Variants in TRAF3IP1 observed in about 807,000 individuals in gnomAD.
TRAF3IP1 encodes the protein intraflagellar transport 54.
In TRAF3IP1, 53 loss-of-function variants were observed where a neutral mutation model predicts 89.9. That is an observed-to-expected ratio of 0.59 (90% CI 0.47 to 0.74). TRAF3IP1 has a LOEUF of 0.74. Among genes scored for constraint, TRAF3IP1 ranks in the 30% least tolerant of loss-of-function variants. The pLI, the probability that TRAF3IP1 is intolerant of heterozygous loss-of-function variation, is 0.00. For synonymous variants in TRAF3IP1, 311 were observed against 322.1 expected (o/e 0.97, Z 0.37); for missense variants, 806 against 866.1 (o/e 0.93, Z 0.87).
Position 238,393,060 on chromosome 2 carries a change from G to A in TRAF3IP1, c.1690-4399G>A, listed in dbSNP as rs569455800. ...TGAATTTTCATTTGTTTGGATAAGT[G>A]TCCAGGAGTACAACTGTTGGTTGAT... On this transcript the variant is annotated intron_variant, in intron 15 of 16. Coordinates refer to ENST00000373327, the MANE Select transcript of TRAF3IP1 (RefSeq NM_015650.4). Among the ~76,000 whole-genome samples, 19 of 152,316 alleles carry A rather than the reference G, an allele frequency of 1.2e-4. No homozygotes were observed. The South Asian group carries it at 3.9e-3, about 32-fold the overall frequency.
chr2:238,331,004 T>C (rs1054484106), intron 5 of TRAF3IP1, among the ~76,000 whole-genome samples: 1 of 152,132 alleles, frequency 6.6e-6, no homozygotes, highest in African/African-American at 2.4e-5. Flanking sequence ...TCTGAGGCAC[T>C]AGTATATTCG....
At position 238,345,627 on chromosome 2, in the gene TRAF3IP1, C is replaced by T. The variant is rs1698856542; in HGVS notation, c.1261+1029C>T. ...TAATTAGGGAGGGTTAAAGATTGTG[C>T]AGAGAAGAGAGAGAGGCCTGGACTG... On this transcript the variant is annotated intron_variant, in intron 9 of 16. Transcript: ENST00000373327. This position sits in a 1 kb window ranked among gnomAD's most constrained non-coding sequence, Gnocchi z 4.7. 6.6e-6 allele frequency among the ~76,000 whole-genome samples: 1 copy of T among 152,070 alleles called. No individual in the cohort carries two copies. The highest frequency in any genetic ancestry group is 1.5e-5 in the Non-Finnish European group (1 of 68,018).
intron 5 of TRAF3IP1, among the ~76,000 whole-genome samples, chr2:238,331,363 G>C (rs1175264117): frequency 6.6e-6 from 1 of 151,780 alleles, no homozygotes; most frequent in African/African-American, 2.4e-5. Flanking sequence ...TGTAGTCCCA[G>C]CTACTCAGGA....
rs201851830 is a variant in TRAF3IP1, at chr2:238,381,144, T to TA, written c.1690-16315_1690-16314insA. Among the ~76,000 whole-genome samples, 1,337 of 150,060 alleles carry TA rather than the reference T, an allele frequency of 8.9e-3. 7 individuals carry two copies. The highest frequency in any genetic ancestry group is 0.017 in the Middle Eastern group (5 of 292). ...TTTTTTAATTATTTATTTATTTATT[T>TA]TTTTTTTTTTCAGAATTCTGTTTCC... On this transcript the variant is annotated intron_variant, in intron 15 of 16. Coordinates refer to ENST00000373327, the MANE Select transcript of TRAF3IP1 (RefSeq NM_015650.4).
At chr2:238,384,073 C>T (rs1240496878) in intron 15 of TRAF3IP1, among the ~76,000 whole-genome samples, 1 of 152,128 alleles carries the variant, frequency 6.6e-6, no homozygotes, top group Non-Finnish European at 1.5e-5. Context: ...CAGGGCCCCC[C>T]CCATCTGGAT....
At chr2:238,362,640 G>A (rs531543731) in intron 15 of TRAF3IP1, among the ~76,000 whole-genome samples, 37 of 152,352 alleles carry the variant, frequency 2.4e-4, no homozygotes, top group African/African-American at 6.3e-4. Context: ...CTTATATTAT[G>A]TTGGCTAGAA....
chr2:238,398,964 CA>C lies in TRAF3IP1; in HGVS notation c.*50del. The C allele has an allele frequency of 6.6e-7, 1 of 1,516,730 alleles. No homozygotes were observed. Among genetic ancestry groups the C allele is most frequent in the Non-Finnish European group, 8.9e-7 (1 of 1,125,590 alleles). The allele number at this position is 1,516,730 out of a possible 1,614,324, so 94.0% of individuals were successfully genotyped here. A position where few individuals can be genotyped will look rare whatever the true frequency, so the allele number is the denominator to read the frequency against. ...ATGAAAAGTCACCTCAGTTTAAAAGCAAAAAGGAAGATAGAAAATCATTACT... is the reference window on the plus strand; with the variant it reads ...ATGAAAAGTCACCTCAGTTTAAAAGCAAAAGGAAGATAGAAAATCATTACT... On this transcript the variant is annotated 3_prime_UTR_variant, in exon 17 of 17. Transcript: ENST00000373327.
chr2:238,336,261 G>A (rs1698386618), intron 7 of TRAF3IP1, among the ~76,000 whole-genome samples: 1 of 152,140 alleles, frequency 6.6e-6, no homozygotes, highest in South Asian at 2.1e-4. Context: ...GATTTTATTA[G>A]CAGACATTTA....
At chr2:238,322,101 T>C (rs988865633) in intron 1 of TRAF3IP1, among the ~76,000 whole-genome samples, 1 of 152,236 alleles carries the variant, frequency 6.6e-6, no homozygotes, top group African/African-American at 2.4e-5. Flanking sequence ...ACCTGCTGTG[T>C]GGATAGCCCG....
intron 15 of TRAF3IP1, among the ~76,000 whole-genome samples, chr2:238,381,260 G>A (rs1700539025): frequency 6.6e-6 from 1 of 152,052 alleles, no homozygotes; most frequent in South Asian, 2.1e-4. Context: ...CATAAAAATG[G>A]GGCAAAAACC....
chr2:238,363,912 A>G (rs577113712), intron 15 of TRAF3IP1, among the ~76,000 whole-genome samples: 2 of 152,306 alleles, frequency 1.3e-5, no homozygotes, highest in East Asian at 1.9e-4. Flanking sequence ...GCGAGCCGAG[A>G]CTGCACCACT....
intron 8 of TRAF3IP1, 99 bp from the exon 9 acceptor site, chr2:238,344,374 CAGTCCTAACTTGCAGTGTGGGAAA>C (rs1698794504): frequency 2.6e-6 from 2 of 758,198 alleles, no homozygotes; most frequent in African/African-American, 3.5e-5. Flanking sequence ...AGTCCTTTGT[CAGTCCTAACTTGCAGTGTGGGAAA>C]ACATAGATAA....
intron 15 of TRAF3IP1, among the ~76,000 whole-genome samples, chr2:238,376,645 G>A (rs1424497789): frequency 2.6e-5 from 4 of 152,116 alleles, no homozygotes; most frequent in Admixed American, 1.3e-4. Flanking sequence ...ATTTGTTAAG[G>A]TTGTTCGTAT....
At chr2:238,370,866 T>A (rs1277034923) in intron 15 of TRAF3IP1, among the ~76,000 whole-genome samples, 1 of 152,060 alleles carries the variant, frequency 6.6e-6, no homozygotes, top group Non-Finnish European at 1.5e-5. Flanking sequence ...TTGCCAGAGG[T>A]GAAAAACGAA....
intron 15 of TRAF3IP1, among the ~76,000 whole-genome samples, chr2:238,376,840 G>A (rs1266732922): frequency 1.3e-5 from 2 of 152,156 alleles, no homozygotes. Flanking sequence ...TTTCTTCGCT[G>A]TAATAGCAGC....
At chr2:238,380,176 A>T (rs1249935379) in intron 15 of TRAF3IP1, among the ~76,000 whole-genome samples, 1 of 152,254 alleles carries the variant, frequency 6.6e-6, no homozygotes, top group Non-Finnish European at 1.5e-5. Flanking sequence ...CTCAATTAGG[A>T]TCAGTCTCTG....
At position 238,320,752 on chromosome 2, in the gene TRAF3IP1, C is replaced by G. The variant is rs1183349435; in HGVS notation, c.90C>G (p.Pro30=). The G allele has an allele frequency of 4.2e-6, 6 of 1,440,658 alleles. No homozygotes were observed. The Admixed American group carries it at 1.4e-4, about 35-fold the overall frequency. 89.2% of individuals were successfully genotyped at this position (1,440,658 alleles called of 1,614,324 possible). ...PPLTEKLLSK[P]PFRYLHDIIT... Reference sequence around the variant, plus strand: ...TGACCGAGAAGCTGCTGAGCAAGCCCCCGTTCCGCTACCTGCACGACATCA... The same window carrying G: ...TGACCGAGAAGCTGCTGAGCAAGCCGCCGTTCCGCTACCTGCACGACATCA... The change falls in exon 1 of 17, where the codon CCC becomes CCG. Residue 30 remains proline (P), a synonymous_variant. Coordinates refer to ENST00000373327, the MANE Select transcript of TRAF3IP1 (RefSeq NM_015650.4).
At chr2:238,340,524 T>G (rs1302927746) in intron 8 of TRAF3IP1, among the ~76,000 whole-genome samples, 1 of 152,210 alleles carries the variant, frequency 6.6e-6, no homozygotes, top group Non-Finnish European at 1.5e-5. Context: ...ATTTATCCAT[T>G]TCTTTTTCAA....
intron 15 of TRAF3IP1, among the ~76,000 whole-genome samples, chr2:238,384,200 G>A (rs772131481): frequency 1.3e-5 from 2 of 152,092 alleles, no homozygotes; most frequent in Non-Finnish European, 2.9e-5. Flanking sequence ...GGCCTCCTGA[G>A]TGTCCCTTGT....
Sources: gnomAD v4.1 joint callset for allele counts (sites outside exome capture counted in the v4.1 genomes callset) on GRCh38, gnomAD v4.1.1 for gene constraint, Gnocchi (gnomAD v3.1) non-coding constraint, MANE v1.5 for transcripts, NCBI Gene and HGNC (gene_info 2026-07-23, HGNC 2026-07-21) for gene names.